The following GRM8 variants were observed in gnomAD, a reference collection of about 807,000 sequenced individuals.
GRM8 encodes metabotropic glutamate receptor 8.
In GRM8, 47 loss-of-function variants were observed where a neutral mutation model predicts 87.2. The ratio of observed to expected loss-of-function variants is 0.54; its 90% CI spans 0.43 to 0.69. The LOEUF (loss-of-function observed/expected upper bound fraction) is 0.69. GRM8 is among the 30% of genes least tolerant of loss of function. GRM8 has a pLI of 0.00. For synonymous variants in GRM8, 396 were observed against 404.5 expected (o/e 0.98, Z 0.25); for missense variants, 1,019 against 1,139.2 (o/e 0.89, Z 1.52).
At position 126,685,114 on chromosome 7, in the gene GRM8, A is replaced by AGGCCCC. The variant is rs1808019154; in HGVS notation, c.1358-75622_1358-75617dup. On this transcript the variant is annotated intron_variant, in intron 7 of 10. Coordinates refer to ENST00000339582, the MANE Select transcript of GRM8 (RefSeq NM_000845.3). This position sits in a 1 kb window ranked among gnomAD's most constrained non-coding sequence, Gnocchi z 4.2. ...CACGCAGCCGGGCAGTACCCACTCC[A>AGGCCCC]GGCCCCGGCCCCGCTTGCCACTCTT... Among the ~76,000 whole-genome samples the AGGCCCC allele has an allele frequency of 6.6e-6, 1 of 152,152 alleles. No homozygotes were observed. The highest frequency in any genetic ancestry group is 1.5e-5 in the Non-Finnish European group (1 of 68,004).
intron 3 of GRM8, among the ~76,000 whole-genome samples, chr7:127,033,920 G>C (rs929173): frequency 0.75 from 114,304 of 152,062 alleles, 44,276 homozygotes; most frequent in African/African-American, 0.91. Context: ...ACAAATTATG[G>C]TGTCTAAAAG....
intron 3 of GRM8, among the ~76,000 whole-genome samples, chr7:127,009,801 C>G (rs951341222): frequency 6.6e-6 from 1 of 151,818 alleles, no homozygotes; most frequent in African/African-American, 2.4e-5. Flanking sequence ...CTTTTCAACC[C>G]GTATAGCATG....
chr7:127,041,626 A>G (rs1208813088), intron 3 of GRM8, among the ~76,000 whole-genome samples: 1 of 152,232 alleles, frequency 6.6e-6, no homozygotes, highest in Admixed American at 6.5e-5. Context: ...AGTTCTCTAC[A>G]GGAATATGGA....
At chr7:126,798,538 G>A (rs1822249991) in intron 6 of GRM8, among the ~76,000 whole-genome samples, 2 of 152,174 alleles carry the variant, frequency 1.3e-5, no homozygotes, top group Admixed American at 1.3e-4. Context: ...GGATGGGCCA[G>A]TGAGAGCATC....
intron 6 of GRM8, among the ~76,000 whole-genome samples, chr7:126,892,187 C>T (rs187270636): frequency 6.6e-6 from 1 of 151,778 alleles, no homozygotes; most frequent in Non-Finnish European, 1.5e-5. Context: ...TACATGTGCA[C>T]AATGTGCAGG....
At chr7:127,111,139 G>C (rs539074088) in intron 2 of GRM8, 1 of 152,150 alleles carries the variant, frequency 6.6e-6, no homozygotes, top group Admixed American at 6.6e-5. Context: ...GAATTATCTC[G>C]AACGCAGTTC....
chr7:126,753,445 TAC>T (rs1020261263), intron 7 of GRM8, among the ~76,000 whole-genome samples: 1 of 151,610 alleles, frequency 6.6e-6, no homozygotes, highest in African/African-American at 2.4e-5. Context: ...CACACATATA[TAC>T]ACACATATAT....
At chr7:126,458,263 ATAT>A (rs1168620624) in intron 9 of GRM8, among the ~76,000 whole-genome samples, 1 of 151,198 alleles carries the variant, frequency 6.6e-6, no homozygotes, top group Non-Finnish European at 1.5e-5. Context: ...TTAAATACAG[ATAT>A]TATCAGGTTT....
At chr7:127,056,019 T>C (rs1819950609) in intron 3 of GRM8, among the ~76,000 whole-genome samples, 2 of 152,230 alleles carry the variant, frequency 1.3e-5, no homozygotes, top group South Asian at 4.1e-4. Flanking sequence ...CTAGCAGTCC[T>C]TACTGAATAC....
chr7:127,190,769 T>C (rs1197960195), intron 2 of GRM8, among the ~76,000 whole-genome samples: 5 of 152,226 alleles, frequency 3.3e-5, no homozygotes, highest in Non-Finnish European at 7.3e-5. Flanking sequence ...ACAGTGCTTA[T>C]TTTTTCTAAT....
intron 3 of GRM8, among the ~76,000 whole-genome samples, chr7:127,035,304 C>T (rs751337406): frequency 2.6e-4 from 39 of 152,276 alleles, no homozygotes; most frequent in African/African-American, 8.9e-4. Context: ...TGTGTCTATA[C>T]GGTGCCAGCA....
intron 8 of GRM8, among the ~76,000 whole-genome samples, chr7:126,553,060 T>C (rs1792760535): frequency 6.6e-6 from 1 of 152,086 alleles, no homozygotes; most frequent in Non-Finnish European, 1.5e-5. Context: ...ATAATCATCA[T>C]CATCAACAAC....
chr7:126,752,218 G>A (rs1166223780), intron 7 of GRM8, among the ~76,000 whole-genome samples: 1 of 152,040 alleles, frequency 6.6e-6, no homozygotes, highest in Non-Finnish European at 1.5e-5. Context: ...ATCACATGAA[G>A]TCTTGAGTTC....
At chr7:127,172,591 C>T (rs1793875868) in intron 2 of GRM8, among the ~76,000 whole-genome samples, 2 of 151,684 alleles carry the variant, frequency 1.3e-5, no homozygotes, top group South Asian at 4.2e-4. Context: ...GGCTGTAGTC[C>T]CAGCTACTCA....
chr7:126,524,912 G>C (rs1813599244), intron 9 of GRM8, among the ~76,000 whole-genome samples: 1 of 152,056 alleles, frequency 6.6e-6, no homozygotes, highest in South Asian at 2.1e-4. Flanking sequence ...CTCTTAAAAT[G>C]CTAGTTAAAA....
At chr7:126,849,621 C>T (rs972683111) in intron 6 of GRM8, among the ~76,000 whole-genome samples, 4 of 152,198 alleles carry the variant, frequency 2.6e-5, no homozygotes, top group African/African-American at 9.6e-5. Context: ...ACAACTATTT[C>T]CTTCCGTCTC....
chr7:127,206,349 T>C (rs1179411322), intron 2 of GRM8, among the ~76,000 whole-genome samples: 1 of 152,218 alleles, frequency 6.6e-6, no homozygotes, highest in Admixed American at 6.5e-5. Flanking sequence ...ACCTGGGTTT[T>C]CCTAATCAAT....
intron 6 of GRM8, among the ~76,000 whole-genome samples, chr7:126,856,354 ATT>A (rs368855363): frequency 6.7e-6 from 1 of 149,858 alleles, no homozygotes; most frequent in African/African-American, 2.4e-5. Flanking sequence ...ACATCGCCAC[ATT>A]TTTTTTTTAA....
At chr7:126,509,876 A>T (rs1811071733) in intron 9 of GRM8, among the ~76,000 whole-genome samples, 1 of 152,110 alleles carries the variant, frequency 6.6e-6, no homozygotes, top group South Asian at 2.1e-4. Context: ...TGATGATAAC[A>T]GGTGAGAAAT....
Sources: gnomAD v4.1 joint callset for allele counts (sites outside exome capture counted in the v4.1 genomes callset) on GRCh38, gnomAD v4.1.1 for gene constraint, Gnocchi (gnomAD v3.1) non-coding constraint, MANE v1.5 for transcripts, NCBI Gene and HGNC (gene_info 2026-07-23, HGNC 2026-07-21) for gene names.